The following RBFOX1 variants were observed in gnomAD, a reference collection of about 807,000 sequenced individuals.
The protein encoded by RBFOX1 is RNA binding fox-1 homolog 1.
A neutral mutation model predicts 57.7 loss-of-function variants in RBFOX1; 8 were observed. The observed-to-expected ratio is 0.14, with a 90% CI of 0.08 to 0.25. The LOEUF (loss-of-function observed/expected upper bound fraction) is 0.25, where lower values mean the gene tolerates loss of function less well. RBFOX1 is among the 10% of genes least tolerant of loss of function. The pLI is 1.00. For missense variants in RBFOX1, 611 were observed against 548.5 expected (o/e 1.11, Z -1.14); for synonymous variants, 326 against 222.4 (o/e 1.47, Z -4.15).
chr16:7,454,419 A>C (rs1220295288), intron 4 of RBFOX1, among the ~76,000 whole-genome samples: 3 of 152,198 alleles, frequency 2.0e-5, no homozygotes, highest in Non-Finnish European at 4.4e-5. Flanking sequence ...CCAAGTTATC[A>C]AGTCAAACTC....
chr16:7,303,535 G>A (rs904625748), intron 4 of RBFOX1, among the ~76,000 whole-genome samples: 1 of 151,516 alleles, frequency 6.6e-6, no homozygotes, highest in Non-Finnish European at 1.5e-5. Context: ...TTAGCAGACC[G>A]AATTTAAATT....
chr16:5,375,746 G>A (rs917260008), intron 1 of RBFOX1, among the ~76,000 whole-genome samples: 1 of 152,206 alleles, frequency 6.6e-6, no homozygotes, highest in Non-Finnish European at 1.5e-5. Context: ...TGGTGGGCCG[G>A]ATTTGGCCTG....
intron 4 of RBFOX1, among the ~76,000 whole-genome samples, chr16:7,320,023 C>G (rs17143454): frequency 8.6e-5 from 13 of 151,864 alleles, no homozygotes; most frequent in South Asian, 2.1e-4. Context: ...TGCAAGTGTA[C>G]GTGTATGTAT....
intron 4 of RBFOX1, among the ~76,000 whole-genome samples, chr16:7,164,910 G>C (rs983033336): frequency 2.0e-5 from 3 of 152,182 alleles, no homozygotes; most frequent in Admixed American, 2.0e-4. Context: ...TTTGCTTCTT[G>C]AATTAATGCT....
chr16:6,141,828 G>T (rs1347327624), intron 1 of RBFOX1, among the ~76,000 whole-genome samples: 1 of 152,000 alleles, frequency 6.6e-6, no homozygotes, highest in Non-Finnish European at 1.5e-5. Flanking sequence ...GGAGGGTGAG[G>T]CAGGCATAAC....
Position 7,216,581 on chromosome 16 carries a change from C to A in RBFOX1, c.27+164483C>A, listed in dbSNP as rs141320838. Among the ~76,000 whole-genome samples, 1,143 of 152,000 alleles carry A rather than the reference C, an allele frequency of 7.5e-3. 18 individuals carry two copies. Among genetic ancestry groups the A allele is most frequent in the African/African-American group, 0.026 (1,085 of 41,474 alleles). On this transcript the variant is annotated intron_variant, in intron 4 of 15. Coordinates refer to ENST00000550418, the MANE Select transcript of RBFOX1 (RefSeq NM_018723.4). ...GGGTGTAGCACAGAATTGCTTGAAC[C>A]TGGGAGGTAGAGGTTGCAGTGAGCC...
chr16:7,231,009 A>T (rs2093465933), intron 4 of RBFOX1, among the ~76,000 whole-genome samples: 1 of 152,114 alleles, frequency 6.6e-6, no homozygotes, highest in South Asian at 2.1e-4. Flanking sequence ...CAGCCATGGT[A>T]CCTGAACAAG....
chr16:6,822,527 C>A (rs1181329585), intron 3 of RBFOX1, among the ~76,000 whole-genome samples: 1 of 152,234 alleles, frequency 6.6e-6, no homozygotes, highest in East Asian at 1.9e-4. Flanking sequence ...AATTCCACTT[C>A]GTGGCTAGAG....
intron 4 of RBFOX1, among the ~76,000 whole-genome samples, chr16:7,322,081 G>A (rs1299563352): frequency 6.6e-6 from 1 of 152,172 alleles, no homozygotes; most frequent in Non-Finnish European, 1.5e-5. Context: ...TGTATTTGGT[G>A]GGTTCCCAGT....
In RBFOX1 at chr16:6,809,230, C is replaced by G. The variant is rs150989114; in HGVS notation, c.-16+154580C>G. Among the ~76,000 whole-genome samples, 626 of 152,278 alleles carry G rather than the reference C, an allele frequency of 4.1e-3. 4 individuals carry two copies. The highest frequency in any genetic ancestry group is 0.013 in the African/African-American group (555 of 41,564). ...CTTGGCTACGCTGGAGTCTCTGAATCTCATGTGATTCTGGGGGCTGCCTTC... is the reference window on the plus strand; with the variant it reads ...CTTGGCTACGCTGGAGTCTCTGAATGTCATGTGATTCTGGGGGCTGCCTTC... On this transcript the variant is annotated intron_variant, in intron 3 of 15. Coordinates refer to ENST00000550418, the MANE Select transcript of RBFOX1 (RefSeq NM_018723.4).
At chr16:6,418,341 C>G (rs748110592) in intron 2 of RBFOX1, among the ~76,000 whole-genome samples, 6 of 151,952 alleles carry the variant, frequency 3.9e-5, no homozygotes, top group African/African-American at 1.2e-4. Flanking sequence ...AACAGAATCT[C>G]TTATGGTGAC....
chr16:7,272,696 G>C (rs1192273641), intron 4 of RBFOX1, among the ~76,000 whole-genome samples: 1 of 152,144 alleles, frequency 6.6e-6, no homozygotes, highest in Non-Finnish European at 1.5e-5. Context: ...GGAAACAAGG[G>C]AGAGGAGAGA....
intron 2 of RBFOX1, among the ~76,000 whole-genome samples, chr16:6,527,049 A>G (rs1168793680): frequency 1.3e-5 from 2 of 152,024 alleles, no homozygotes; most frequent in African/African-American, 4.8e-5. Context: ...CCGCCTCCCA[A>G]AAGAATTTGA....
chr16:5,470,844 G>GATTATT (rs371545318), intron 2 of RBFOX1, among the ~76,000 whole-genome samples: 8 of 151,776 alleles, frequency 5.3e-5, no homozygotes, highest in South Asian at 2.1e-4. Context: ...CCAGTGCAGT[G>GATTATT]ATTATTATTA....
chr16:6,520,277 T>G (rs564024870), intron 2 of RBFOX1, among the ~76,000 whole-genome samples: 1 of 152,334 alleles, frequency 6.6e-6, no homozygotes, highest in South Asian at 2.1e-4. Context: ...TATTGCTTTG[T>G]AGGTTGTTAA....
chr16:7,553,033 A>G (rs1439887893), intron 5 of RBFOX1, among the ~76,000 whole-genome samples: 2 of 152,080 alleles, frequency 1.3e-5, no homozygotes, highest in Non-Finnish European at 2.9e-5. Flanking sequence ...TAAGCAAGTC[A>G]GATATTTCAG....
intron 13 of RBFOX1, among the ~76,000 whole-genome samples, chr16:7,669,238 AC>A (rs2070540297): frequency 6.6e-6 from 1 of 152,176 alleles, no homozygotes. Context: ...CTAGAAGTTG[AC>A]CAAGGAGTGG....
At chr16:6,358,723 C>G (rs1180111412) in intron 2 of RBFOX1, among the ~76,000 whole-genome samples, 2 of 152,166 alleles carry the variant, frequency 1.3e-5, no homozygotes, top group East Asian at 1.9e-4. Context: ...AGAGGTGAAG[C>G]TGGAGTTTGG....
chr16:7,615,700 C>T (rs1043938173), intron 10 of RBFOX1, among the ~76,000 whole-genome samples: 2 of 151,438 alleles, frequency 1.3e-5, no homozygotes, highest in African/African-American at 4.8e-5. Flanking sequence ...ACATTTGTTT[C>T]ATTGTTACAT....
Sources: gnomAD v4.1 joint callset for allele counts (sites outside exome capture counted in the v4.1 genomes callset) on GRCh38, gnomAD v4.1.1 for gene constraint, MANE v1.5 for transcripts, NCBI Gene and HGNC (gene_info 2026-07-23, HGNC 2026-07-21) for gene names.